KANK1: variants seen among roughly 807,000 people sequenced by gnomAD.
KANK1 encodes the protein KN motif and ankyrin repeat domain-containing protein 1.
Under a neutral mutation model 106.2 loss-of-function variants are expected in KANK1, and 109 were observed. That is an observed-to-expected ratio of 1.03 (90% confidence interval 0.88 to 1.20). The LOEUF (loss-of-function observed/expected upper bound fraction) is 1.20. Ranked by LOEUF, KANK1 falls within the 50% of genes most tolerant of loss-of-function variation. The pLI is 0.00. For synonymous variants in KANK1, 873 were observed against 652.2 expected (o/e 1.34, Z -5.16); for missense variants, 2,399 against 1,710.7 (o/e 1.40, Z -7.10).
At chr9:598,940 G>A (rs1304851960) in intron 1 of KANK1, among the ~76,000 whole-genome samples, 2 of 146,250 alleles carry the variant, frequency 1.4e-5, no homozygotes, top group East Asian at 2.0e-4. Context: ...CCATCCCTAG[G>A]TATTTTATTC....
At chr9:558,271 T>C (rs1423383600) in intron 1 of KANK1, among the ~76,000 whole-genome samples, 1 of 152,120 alleles carries the variant, frequency 6.6e-6, no homozygotes, top group Non-Finnish European at 1.5e-5. Flanking sequence ...ATAGGGGAAA[T>C]AGAGGATAAT....
rs76500168 is a variant in KANK1 at position 725,003 on chromosome 9, A to T, written c.2699-5048A>T. On this transcript the variant is annotated intron_variant, in intron 3 of 11. Transcript: ENST00000382297. Reference sequence around the variant, plus strand: ...GCAGTTAGGGGACATCAAGTCACATAGTGTGAAACGTTGTTTGGACCGCTG... The same window carrying T: ...GCAGTTAGGGGACATCAAGTCACATTGTGTGAAACGTTGTTTGGACCGCTG... Among the ~76,000 whole-genome samples, 134 of 152,306 alleles carry T rather than the reference A, an allele frequency of 8.8e-4. 1 individual carries two copies. The East Asian group carries it at 0.02, about 23-fold the overall frequency.
chr9:736,651 C>G (rs1330544484), intron 7 of KANK1, among the ~76,000 whole-genome samples: 1 of 151,586 alleles, frequency 6.6e-6, no homozygotes, highest in Admixed American at 6.6e-5. Context: ...AGTGCTCCAT[C>G]ATCATGCCAC....
At chr9:595,527 T>C (rs1282082165) in intron 1 of KANK1, among the ~76,000 whole-genome samples, 1 of 151,872 alleles carries the variant, frequency 6.6e-6, no homozygotes, top group African/African-American at 2.4e-5. Context: ...TTTTCTTTTT[T>C]CTTTTTTCTT....
At chr9:671,216 C>A (rs1339776557) in intron 1 of KANK1, among the ~76,000 whole-genome samples, 1 of 116,122 alleles carries the variant, frequency 8.6e-6, no homozygotes, top group Admixed American at 8.4e-5. Context: ...GAACCTTCTA[C>A]CTGGTGGAGT....
intron 1 of KANK1, among the ~76,000 whole-genome samples, chr9:535,033 C>T (rs953410640): frequency 3.9e-5 from 6 of 152,266 alleles, no homozygotes; most frequent in East Asian, 3.9e-4. Context: ...GCCTCGCAGC[C>T]GTGGGATTGG....
intron 2 of KANK1, among the ~76,000 whole-genome samples, chr9:695,305 C>T (rs1820964263): frequency 6.6e-6 from 1 of 152,096 alleles, no homozygotes; most frequent in Non-Finnish European, 1.5e-5. Flanking sequence ...CGGCACTCAC[C>T]TTTGCCCTCA....
chr9:706,809 T>TTG (rs1824331120), intron 2 of KANK1: 2 of 985,356 alleles, frequency 2.0e-6, no homozygotes, highest in South Asian at 9.4e-5. Context: ...GTGGGGCTGA[T>TTG]TGTGCCTCTG....
At chr9:481,503 G>A (rs1180912019) in intron 3 of KANK1, among the ~76,000 whole-genome samples, 1 of 152,214 alleles carries the variant, frequency 6.6e-6, no homozygotes, top group Non-Finnish European at 1.5e-5. Context: ...GTAGGAGAAA[G>A]TGGAGTTGAA....
intron 1 of KANK1, among the ~76,000 whole-genome samples, chr9:526,208 GTCTC>G (rs1308040177): frequency 6.6e-6 from 1 of 151,792 alleles, no homozygotes; most frequent in African/African-American, 2.4e-5. Context: ...TCCTGGTGCT[GTCTC>G]TCAGGCATTT....
intron 1 of KANK1, among the ~76,000 whole-genome samples, chr9:588,923 G>A (rs1251872517): frequency 6.6e-6 from 1 of 152,042 alleles, no homozygotes; most frequent in Non-Finnish European, 1.5e-5. Flanking sequence ...CTGCTTATAT[G>A]ATTAAAAAAA....
At chr9:521,565 C>CTTTTTTTTT (rs35143391) in intron 1 of KANK1, among the ~76,000 whole-genome samples, 1 of 118,802 alleles carries the variant, frequency 8.4e-6, no homozygotes, top group African/African-American at 3.2e-5. Flanking sequence ...CCTCCAGATT[C>CTTTTTTTTT]TTTTTTTTTT....
chr9:505,563 C>T (rs1158077503), intron 1 of KANK1, among the ~76,000 whole-genome samples: 1 of 152,242 alleles, frequency 6.6e-6, no homozygotes, highest in Non-Finnish European at 1.5e-5. Flanking sequence ...TCTCCTTCAC[C>T]CGGGTCCCGT....
intron 1 of KANK1, among the ~76,000 whole-genome samples, chr9:600,845 A>G (rs1287528781): frequency 6.6e-6 from 1 of 151,868 alleles, no homozygotes; most frequent in Non-Finnish European, 1.5e-5. Flanking sequence ...GGAATTTGCT[A>G]ACATGTTCTA....
At chr9:635,572 T>C (rs750125441) in intron 1 of KANK1, among the ~76,000 whole-genome samples, 10 of 152,142 alleles carry the variant, frequency 6.6e-5, no homozygotes, top group Non-Finnish European at 1.3e-4. Context: ...AATGGAATAA[T>C]AGTGTTCCCT....
At chr9:658,944 T>A (rs1236339267) in intron 1 of KANK1, among the ~76,000 whole-genome samples, 2 of 152,188 alleles carry the variant, frequency 1.3e-5, no homozygotes, top group Admixed American at 1.3e-4. Flanking sequence ...CCCATTCCTA[T>A]ACATCTGCAT....
chr9:544,914 G>A (rs2060839173), intron 1 of KANK1, among the ~76,000 whole-genome samples: 1 of 152,130 alleles, frequency 6.6e-6, no homozygotes, highest in South Asian at 2.1e-4. Flanking sequence ...GTTTTAAGTT[G>A]GTAGGTGAAG....
At chr9:478,418 T>C in intron 3 of KANK1, 1 of 152,678 alleles carries the variant, frequency 6.5e-6, no homozygotes, top group Non-Finnish European at 1.5e-5. Context: ...CACAGCATGG[T>C]TATGACATAG....
chr9:587,167 C>G (rs1219658463), intron 1 of KANK1, among the ~76,000 whole-genome samples: 1 of 152,080 alleles, frequency 6.6e-6, no homozygotes, highest in African/African-American at 2.4e-5. Flanking sequence ...TTCTTTATAA[C>G]TATCATGAAG....
Sources: allele counts gnomAD v4.1 joint callset (sites outside exome capture counted in the v4.1 genomes callset), GRCh38; gene constraint gnomAD v4.1.1; transcripts MANE v1.5; gene names NCBI Gene and HGNC (gene_info 2026-07-23, HGNC 2026-07-21).